Variants in KCNAB1 observed in about 807,000 individuals in gnomAD.
KCNAB1 encodes potassium voltage-gated channel subfamily A regulatory beta subunit 1, also known as voltage-gated potassium channel subunit beta-1.
Under a neutral mutation model 64.6 loss-of-function variants are expected in KCNAB1, and 35 were observed. The observed-to-expected ratio is 0.54, with a 90% confidence interval of 0.41 to 0.72. The LOEUF is 0.72. KCNAB1 is among the 30% of genes least tolerant of loss of function. KCNAB1 has a pLI of 0.00. For missense variants in KCNAB1, 401 were observed against 512.9 expected, an observed-to-expected ratio of 0.78 and a Z score of 2.11; for synonymous variants, 177 against 183.8, an observed-to-expected ratio of 0.96 and a Z score of 0.30.
chr3:156,407,149 T>C (rs1021878860), intron 1 of KCNAB1, among the ~76,000 whole-genome samples: 5 of 151,994 alleles, frequency 3.3e-5, no homozygotes, highest in Admixed American at 1.3e-4. Flanking sequence ...GGCTCCTATC[T>C]CTCTCTCTCT....
chr3:156,359,495 A>G (rs1012378944), intron 1 of KCNAB1, among the ~76,000 whole-genome samples: 1 of 152,194 alleles, frequency 6.6e-6, no homozygotes. Flanking sequence ...ATTTCCTCCC[A>G]GTTTATCATC....
At chr3:156,379,698 G>C (rs1403952653) in intron 1 of KCNAB1, among the ~76,000 whole-genome samples, 1 of 152,170 alleles carries the variant, frequency 6.6e-6, no homozygotes, top group Non-Finnish European at 1.5e-5. Flanking sequence ...TTTGCATGGA[G>C]GGAAATGGGA....
At chr3:156,491,803 C>T (rs780563829) in intron 8 of KCNAB1, among the ~76,000 whole-genome samples, 2 of 151,902 alleles carry the variant, frequency 1.3e-5, no homozygotes, top group African/African-American at 4.8e-5. Flanking sequence ...ATTTAATACA[C>T]GCTAGCTATC....
intron 1 of KCNAB1, among the ~76,000 whole-genome samples, chr3:156,399,485 C>T (rs1713730700): frequency 6.6e-6 from 1 of 152,030 alleles, no homozygotes; most frequent in Non-Finnish European, 1.5e-5. Context: ...AGTTTTTAGT[C>T]TTCTTAAATA....
intron 1 of KCNAB1, among the ~76,000 whole-genome samples, chr3:156,137,112 G>A (rs1355306967): frequency 1.3e-5 from 2 of 151,472 alleles, no homozygotes; most frequent in African/African-American, 4.9e-5. Flanking sequence ...TGTTGTACAG[G>A]TTATTTCATT....
At chr3:156,520,401 C>T (rs529901639) in intron 11 of KCNAB1, among the ~76,000 whole-genome samples, 3 of 151,916 alleles carry the variant, frequency 2.0e-5, no homozygotes, top group African/African-American at 2.4e-5. Context: ...GGCAAAATGA[C>T]GAAACCCCAT....
chr3:156,452,878 C>T lies in KCNAB1; in HGVS notation c.320-21C>T. Reference sequence around the variant, plus strand: ...TAGAAAAATGATGATGAATAATATGCAAATATTTATTATTTTCTAGGAACA... The same window carrying T: ...TAGAAAAATGATGATGAATAATATGTAAATATTTATTATTTTCTAGGAACA... On this transcript the variant is annotated intron_variant, in intron 2 of 13. Transcript: ENST00000490337. This position sits in a 1 kb window ranked among gnomAD's most constrained non-coding sequence, Gnocchi z 4.6. 1 of 1,551,424 alleles carries T rather than the reference C, an allele frequency of 6.4e-7. No homozygotes were observed.
chr3:156,321,312 C>A (rs1000850707), intron 1 of KCNAB1, among the ~76,000 whole-genome samples: 2 of 152,176 alleles, frequency 1.3e-5, no homozygotes, highest in Non-Finnish European at 2.9e-5. Context: ...GCCAATCACA[C>A]CCAGAGGAAC....
At chr3:156,307,501 A>G (rs995904943) in intron 1 of KCNAB1, among the ~76,000 whole-genome samples, 1 of 152,168 alleles carries the variant, frequency 6.6e-6, no homozygotes, top group Admixed American at 6.5e-5. Context: ...TGGAACATGA[A>G]CAAATTTTAT....
chr3:156,509,523 GC>G (rs1221010782), intron 8 of KCNAB1, among the ~76,000 whole-genome samples: 1 of 152,122 alleles, frequency 6.6e-6, no homozygotes, highest in Non-Finnish European at 1.5e-5. Context: ...CGATGCTGGG[GC>G]CTCACCCCCA....
chr3:156,484,024 G>A (rs978411002), intron 8 of KCNAB1, among the ~76,000 whole-genome samples: 5 of 152,062 alleles, frequency 3.3e-5, no homozygotes, highest in Middle Eastern at 3.2e-3. Context: ...TGTATTTTCC[G>A]CTTTCTTTGG....
intron 1 of KCNAB1, 150 bp from the exon 2 acceptor site, chr3:156,421,466 C>G: frequency 2.9e-6 from 2 of 688,030 alleles, no homozygotes; most frequent in South Asian, 2.2e-5. Context: ...GCAAGGGAGA[C>G]CTGTCTCAAG....
chr3:156,204,559 G>A (rs1714538929), intron 1 of KCNAB1, among the ~76,000 whole-genome samples: 1 of 152,126 alleles, frequency 6.6e-6, no homozygotes. Flanking sequence ...GGCCGGCCAT[G>A]GTGGCTCACA....
intron 1 of KCNAB1, among the ~76,000 whole-genome samples, chr3:156,367,490 A>G (rs1157097656): frequency 2.6e-5 from 4 of 152,036 alleles, no homozygotes; most frequent in East Asian, 1.9e-4. Flanking sequence ...CGAGTAATCT[A>G]TTTTAACACA....
intron 8 of KCNAB1, among the ~76,000 whole-genome samples, chr3:156,512,429 A>G (rs2720281): frequency 0.43 from 64,694 of 152,096 alleles, 14,349 homozygotes; most frequent in African/African-American, 0.55. Context: ...GGCCAGGTCC[A>G]GTTTATTCTC....
intron 1 of KCNAB1, among the ~76,000 whole-genome samples, chr3:156,409,020 G>A (rs772979475): frequency 3.3e-5 from 5 of 152,110 alleles, no homozygotes; most frequent in South Asian, 2.1e-4. Context: ...AAAATTAGGC[G>A]TAATTGGAGT....
intron 1 of KCNAB1, among the ~76,000 whole-genome samples, chr3:156,360,481 G>A (rs1408165702): frequency 6.6e-6 from 1 of 152,138 alleles, no homozygotes; most frequent in Non-Finnish European, 1.5e-5. Flanking sequence ...AGGCTGAGGT[G>A]GGAGGATCGC....
intron 2 of KCNAB1, among the ~76,000 whole-genome samples, chr3:156,425,139 TA>T (rs2108231987): frequency 6.6e-6 from 1 of 152,316 alleles, no homozygotes; most frequent in South Asian, 2.1e-4. Context: ...GCTGCAGGCT[TA>T]GGATGTCAGC....
At chr3:156,517,415 G>C (rs991185194) in intron 11 of KCNAB1, among the ~76,000 whole-genome samples, 5 of 152,094 alleles carry the variant, frequency 3.3e-5, no homozygotes, top group African/African-American at 9.7e-5. Flanking sequence ...CCTATTTCTA[G>C]TTTTGTATTA....
Sources: allele counts gnomAD v4.1 joint callset (sites outside exome capture counted in the v4.1 genomes callset), GRCh38; gene constraint gnomAD v4.1.1; non-coding constraint Gnocchi (gnomAD v3.1); transcripts MANE v1.5; gene names NCBI Gene and HGNC (gene_info 2026-07-23, HGNC 2026-07-21).